The following LARP1B variants were observed in gnomAD, a reference collection of about 807,000 sequenced individuals.
The protein encoded by LARP1B is La ribonucleoprotein 1B, also known as la-related protein 1B.
Under a neutral mutation model 114.2 loss-of-function variants are expected in LARP1B, and 76 were observed. The ratio of observed to expected loss-of-function variants is 0.67; its 90% CI spans 0.55 to 0.81. The LOEUF (loss-of-function observed/expected upper bound fraction) is 0.81. LARP1B is among the 30% of genes least tolerant of loss of function. The pLI is 0.00. For missense variants in LARP1B, 1,014 were observed against 1,075.8 expected (o/e 0.94, Z 0.80); for synonymous variants, 345 against 348.0 (o/e 0.99, Z 0.10).
At chr4:128,072,502 G>A (rs1452683264) in intron 1 of LARP1B, among the ~76,000 whole-genome samples, 1 of 151,928 alleles carries the variant, frequency 6.6e-6, no homozygotes, top group Non-Finnish European at 1.5e-5. Context: ...GTTAAAACAT[G>A]AGAAAATGAA....
At chr4:128,095,854 T>C (rs926901382) in intron 7 of LARP1B, among the ~76,000 whole-genome samples, 3 of 152,176 alleles carry the variant, frequency 2.0e-5, no homozygotes, top group Non-Finnish European at 4.4e-5. Context: ...GGAAATAGTG[T>C]GGGATTATTA....
chr4:128,117,503 A>G (rs1161094648), intron 10 of LARP1B, among the ~76,000 whole-genome samples: 2 of 152,118 alleles, frequency 1.3e-5, no homozygotes, highest in African/African-American at 4.8e-5. Flanking sequence ...CTCCTGCCTC[A>G]GCCTCCAGAG....
At chr4:128,167,090 C>G (rs1741442471) in intron 12 of LARP1B, among the ~76,000 whole-genome samples, 1 of 150,830 alleles carries the variant, frequency 6.6e-6, no homozygotes, top group East Asian at 1.9e-4. Flanking sequence ...CACCATTTCT[C>G]TGTTTATCAT....
chr4:128,146,786 A>C (rs1305116867), intron 11 of LARP1B, among the ~76,000 whole-genome samples: 3 of 152,228 alleles, frequency 2.0e-5, no homozygotes. Flanking sequence ...AAAGCAGAAC[A>C]GTTATTTAAA....
chr4:128,159,389 A>T (rs1002044956), intron 11 of LARP1B, among the ~76,000 whole-genome samples: 1 of 151,794 alleles, frequency 6.6e-6, no homozygotes, highest in South Asian at 2.1e-4. Flanking sequence ...CACCTGCCTC[A>T]CCTCCACTAT....
intron 12 of LARP1B, 101 bp downstream of exon 12, chr4:128,162,418 A>T: frequency 9.7e-7 from 1 of 1,036,002 alleles, no homozygotes; most frequent in African/African-American, 1.6e-5. Context: ...GTGGAAAATC[A>T]TTAGGTAAAT....
intron 5 of LARP1B, among the ~76,000 whole-genome samples, chr4:128,088,826 C>T (rs113449893): frequency 1.3e-5 from 2 of 151,888 alleles, no homozygotes; most frequent in South Asian, 2.1e-4. Flanking sequence ...AGTGGCTGGA[C>T]GCAGTGGTGC....
intron 9 of LARP1B, chr4:128,108,836 G>C: frequency 1.0e-6 from 1 of 982,800 alleles, no homozygotes; most frequent in Non-Finnish European, 1.2e-6. Flanking sequence ...AGATAGGTCA[G>C]TCAAGTTGGT....
At chr4:128,114,497 A>C in intron 9 of LARP1B, 73 bp from the exon 10 acceptor site, 1 of 1,142,030 alleles carries the variant, frequency 8.8e-7, no homozygotes, top group Non-Finnish European at 1.3e-6. Flanking sequence ...CCAGTTAAGG[A>C]AAAAATGAAG....
intron 7 of LARP1B, among the ~76,000 whole-genome samples, chr4:128,095,457 C>T (rs1777553025): frequency 7.0e-6 from 1 of 142,598 alleles, no homozygotes; most frequent in African/African-American, 2.6e-5. Flanking sequence ...CCATCCCACT[C>T]CAGCCTGGGC....
Position 128,061,312 on chromosome 4 carries a change from A to G in LARP1B, c.-167A>G, listed in dbSNP as rs1219796278. On this transcript the variant is annotated 5_prime_UTR_variant, in exon 1 of 20. Coordinates refer to ENST00000326639, the MANE Select transcript of LARP1B (RefSeq NM_018078.4). ...TCGCCGTCTCCACGCCTCCGCGGGCAGTTACCAGCTTTGGCTGCTCGCGCC... is the reference window on the plus strand; with the variant it reads ...TCGCCGTCTCCACGCCTCCGCGGGCGGTTACCAGCTTTGGCTGCTCGCGCC... The G allele has an allele frequency of 6.6e-6, 1 of 152,312 alleles. No individual in the cohort carries two copies. The allele number at this position is 152,312 out of a possible 1,614,324, so 9.4% of individuals were successfully genotyped here. A position where few individuals can be genotyped will look rare whatever the true frequency, so the allele number is the denominator to read the frequency against.
At chr4:128,175,292 G>A (rs1201669035) in intron 12 of LARP1B, among the ~76,000 whole-genome samples, 5 of 152,062 alleles carry the variant, frequency 3.3e-5, no homozygotes, top group African/African-American at 1.2e-4. Flanking sequence ...ATTTCCTATA[G>A]CATCATAGCA....
intron 11 of LARP1B, among the ~76,000 whole-genome samples, chr4:128,132,671 T>C (rs940610762): frequency 6.6e-6 from 1 of 152,218 alleles, no homozygotes; most frequent in South Asian, 2.1e-4. Context: ...GGAGCCATCA[T>C]AAAAGACTAC....
At chr4:128,195,860 T>G (rs1753875529) in intron 15 of LARP1B, among the ~76,000 whole-genome samples, 1 of 152,136 alleles carries the variant, frequency 6.6e-6, no homozygotes, top group African/African-American at 2.4e-5. Flanking sequence ...TTAGCTAGAC[T>G]GACAAAGAAA....
At position 128,178,636 on chromosome 4, in the gene LARP1B, T is replaced by A. The variant is rs114551546; in HGVS notation, c.1890T>A (p.Asp630Glu). ...TTGTTAAAGAACCAAAAGCCATTGA[T>A]GTAAAGGTATACAAAACAACCAGGA... ...YPVVKEPKAIDVKSPRKRKTR... is the reference protein window; with the variant it reads ...YPVVKEPKAIEVKSPRKRKTR... Residue 630 changes from aspartate (D) to glutamate (E), a missense_variant, in exon 14 of 20, where the codon GAT (aspartate) becomes GAA (glutamate). Physicochemically the swap from Asp to Glu is conservative, Grantham distance 45. Coordinates refer to ENST00000326639, the MANE Select transcript of LARP1B (RefSeq NM_018078.4). 1 of 1,611,900 alleles carries A rather than the reference T, an allele frequency of 6.2e-7. No individual in the cohort carries two copies.
chr4:128,086,208 C>T (rs989514979), intron 5 of LARP1B, among the ~76,000 whole-genome samples: 3 of 151,898 alleles, frequency 2.0e-5, no homozygotes, highest in African/African-American at 4.8e-5. Context: ...AGTTTCACCA[C>T]ATTAGCCAGG....
rs1306057256 is a variant in LARP1B at position 128,176,301 on chromosome 4, A to AT, written c.1649-561dup. 3.6e-3 allele frequency among the ~76,000 whole-genome samples: 377 copies of AT among 103,916 alleles called. 2 individuals carry two copies. The highest frequency in any genetic ancestry group is 0.015 in the African/African-American group (354 of 23,300). The allele number at this position is 103,916 out of a possible 152,430, so 68.2% of individuals were successfully genotyped here. ...TGTGTGTGTGTATATATATATATAT[A>AT]TTTTTTTTTTAGATGAAGTCTTGCT... On this transcript the variant is annotated intron_variant, in intron 12 of 19. Transcript: ENST00000326639.
intron 11 of LARP1B, among the ~76,000 whole-genome samples, chr4:128,146,923 A>G (rs1730597853): frequency 1.3e-5 from 2 of 152,256 alleles, no homozygotes; most frequent in Non-Finnish European, 2.9e-5. Flanking sequence ...CATCTGATCT[A>G]GGACCCACTG....
chr4:128,114,138 C>T (rs6851796), intron 9 of LARP1B, among the ~76,000 whole-genome samples: 91,759 of 152,028 alleles, frequency 0.6, 28,573 homozygotes, highest in Middle Eastern at 0.8. Context: ...AGTATAGACC[C>T]TAGTAGAACA....
Sources: allele counts gnomAD v4.1 joint callset (sites outside exome capture counted in the v4.1 genomes callset), GRCh38; gene constraint gnomAD v4.1.1; transcripts MANE v1.5; gene names NCBI Gene and HGNC (gene_info 2026-07-23, HGNC 2026-07-21).